FMO3: variants seen among roughly 807,000 people sequenced by gnomAD.
FMO3 encodes flavin containing dimethylaniline monoxygenase 3.
A neutral mutation model predicts 39.4 loss-of-function variants in FMO3; 40 were observed. The observed-to-expected ratio is 1.02, with a 90% CI of 0.79 to 1.32. The LOEUF (loss-of-function observed/expected upper bound fraction) is 1.32, where lower values mean the gene tolerates loss of function less well. Ranked by LOEUF, FMO3 falls within the 40% of genes most tolerant of loss-of-function variation. The pLI is 0.00. For synonymous variants in FMO3, 219 were observed against 228.8 expected, an observed-to-expected ratio of 0.96 and a Z score of 0.39; for missense variants, 680 against 651.8, an observed-to-expected ratio of 1.04 and a Z score of -0.47.
chr1:171,102,031 C>G (rs1041425746), intron 2 of FMO3, among the ~76,000 whole-genome samples: 1 of 152,112 alleles, frequency 6.6e-6, no homozygotes. Flanking sequence ...AATTTTTGCA[C>G]TTCCCCATCC....
chr1:171,110,703 T>TA, intron 5 of FMO3, 95 bp from the exon 6 acceptor site: 1 of 1,114,500 alleles, frequency 9.0e-7, no homozygotes, highest in Non-Finnish European at 1.4e-6. Flanking sequence ...GCAGCTGGGG[T>TA]AATAGATCCA....
At chr1:171,102,877 T>C (rs1278277812) in intron 2 of FMO3, among the ~76,000 whole-genome samples, 2 of 152,212 alleles carry the variant, frequency 1.3e-5, no homozygotes, top group South Asian at 2.1e-4. Flanking sequence ...TTTTACATCA[T>C]TGAAAGCTAA....
intron 2 of FMO3, among the ~76,000 whole-genome samples, chr1:171,096,016 T>TATAA (rs1431040753): frequency 6.3e-5 from 3 of 47,542 alleles, no homozygotes; most frequent in African/African-American, 9.3e-5. Flanking sequence ...AATATACATA[T>TATAA]TATATATTAA....
At position 171,116,213 on chromosome 1, in the gene FMO3, T is replaced by A; in HGVS notation, c.1189T>A (p.Cys397Ser). 6.2e-7 allele frequency: 1 copy of A among 1,601,004 alleles called. No homozygotes were observed. The highest frequency in any genetic ancestry group is 2.2e-5 in the East Asian group (1 of 44,672). ...RWAAQVIKGT[C>S]TLPSMEDMMN... The stretch of plus-strand genomic sequence containing the variant: ...TGTCTTTCCTTCTTTATCAGGAACT[T>A]GTACTTTGCCTTCTATGGAAGACAT... Residue 397 changes from cysteine to serine, a missense_variant, in exon 8 of 9, where the codon TGT (cysteine) becomes AGT (serine). Transcript: ENST00000367755.
At chr1:171,096,816 T>C (rs1655115453) in intron 2 of FMO3, among the ~76,000 whole-genome samples, 1 of 138,392 alleles carries the variant, frequency 7.2e-6, no homozygotes, top group Non-Finnish European at 1.6e-5. Flanking sequence ...ATACTTTAAG[T>C]TCTAGGGTAC....
chr1:171,098,903 T>G (rs1040590632), intron 2 of FMO3, among the ~76,000 whole-genome samples: 2 of 152,198 alleles, frequency 1.3e-5, no homozygotes, highest in African/African-American at 4.8e-5. Context: ...TTTTTGCCCA[T>G]TCAGTATGAT....
intron 3 of FMO3, among the ~76,000 whole-genome samples, chr1:171,104,787 T>A (rs1454244322): frequency 1.3e-5 from 2 of 152,020 alleles, no homozygotes; most frequent in African/African-American, 4.8e-5. Context: ...GGTGGGAGGA[T>A]TGCTTGAGCT....
chr1:171,114,173 A>G lies in FMO3; in HGVS notation c.994A>G (p.Ser332Gly), dbSNP rs886045561. 6.2e-7 allele frequency: 1 copy of G among 1,614,086 alleles called. No individual in the cohort carries two copies. The highest frequency in any genetic ancestry group is 8.5e-7 in the Non-Finnish European group (1 of 1,179,966). Reference sequence around the variant, plus strand: ...CTGTGTAATCTTTGCAACAGGGTATAGTTTTGCCTACCCCTTCCTTGATGA... The same window carrying G: ...CTGTGTAATCTTTGCAACAGGGTATGGTTTTGCCTACCCCTTCCTTGATGA... The part of the protein sequence containing the change: ...IDCVIFATGY[S>G]FAYPFLDESI... The change falls in exon 7 of 9, where the codon AGT (serine) becomes GGT (glycine). Residue 332 changes from serine (S) to glycine (G), a missense_variant. Coordinates refer to ENST00000367755, the MANE Select transcript of FMO3 (RefSeq NM_001002294.3).
In FMO3 at chr1:171,108,222, G is replaced by T. The variant is rs758201900; in HGVS notation, c.627+1G>T. ...AGAACTCAGCCGCACAGCAGAACAG[G>T]TACTACTCCCCGGGTACTCGGGTGA... is the stretch of plus-strand genomic sequence containing the variant. On this transcript the variant is annotated splice_donor_variant, in intron 5 of 8. Coordinates refer to ENST00000367755, the MANE Select transcript of FMO3 (RefSeq NM_001002294.3). LOFTEE classifies it high-confidence loss of function. The T allele has an allele frequency of 1.2e-6, 2 of 1,613,724 alleles. No homozygotes were observed. Among genetic ancestry groups the T allele is most frequent in the South Asian group, 2.2e-5 (2 of 91,080 alleles).
intron 7 of FMO3, among the ~76,000 whole-genome samples, chr1:171,115,440 C>T (rs1656102748): frequency 6.6e-6 from 1 of 152,110 alleles, no homozygotes; most frequent in South Asian, 2.1e-4. Flanking sequence ...AGGCCTGGAA[C>T]CATACCATAT....
chr1:171,095,205 C>A (rs1321074655), intron 2 of FMO3, among the ~76,000 whole-genome samples: 1 of 152,072 alleles, frequency 6.6e-6, no homozygotes. Context: ...GGTGAGGCTA[C>A]CAAAGTGATT....
At chr1:171,104,826 A>G (rs1655567478) in intron 3 of FMO3, among the ~76,000 whole-genome samples, 1 of 152,112 alleles carries the variant, frequency 6.6e-6, no homozygotes, top group African/African-American at 2.4e-5. Context: ...GTGAGCTGAG[A>G]TCACGCCACT....
At chr1:171,092,899 T>C (rs1654780780) in intron 2 of FMO3, 109 bp downstream of exon 2, 1 of 1,187,498 alleles carries the variant, frequency 8.4e-7, no homozygotes, top group Non-Finnish European at 1.2e-6. Flanking sequence ...TTATCATATC[T>C]GTTAGAATTG....
At chr1:171,113,692 A>G (rs1382642115) in intron 6 of FMO3, among the ~76,000 whole-genome samples, 1 of 152,176 alleles carries the variant, frequency 6.6e-6, no homozygotes, top group African/African-American at 2.4e-5. Context: ...ACACCGAGGT[A>G]CCCTCACTTC....
Position 171,117,701 on chromosome 1 carries a change from A to G in FMO3, c.*259A>G. 1 of 361,610 alleles carries G rather than the reference A, an allele frequency of 2.8e-6. No homozygotes were observed. Among genetic ancestry groups the G allele is most frequent in the South Asian group, 7.2e-5 (1 of 13,838 alleles). 22.4% of individuals were successfully genotyped at this position (361,610 alleles called of 1,614,324 possible). On this transcript the variant is annotated 3_prime_UTR_variant, in exon 9 of 9. Coordinates refer to ENST00000367755, the MANE Select transcript of FMO3 (RefSeq NM_001002294.3). ...CTTCAAAATCAGAACTATGTTCTTT[A>G]TATCTAACTTAAATCATTTCCTGAA...
intron 7 of FMO3, 94 bp downstream of exon 7, chr1:171,114,456 C>T: frequency 1.1e-6 from 1 of 935,212 alleles, no homozygotes; most frequent in South Asian, 1.4e-5. Context: ...GTTACAAGGT[C>T]CCCTTCAGTT....
chr1:171,104,970 C>T (rs551234806), intron 3 of FMO3, among the ~76,000 whole-genome samples: 10 of 152,006 alleles, frequency 6.6e-5, no homozygotes, highest in African/African-American at 1.7e-4. Flanking sequence ...AAAGGATAGA[C>T]AAAATGGATA....
intron 2 of FMO3, among the ~76,000 whole-genome samples, chr1:171,097,766 C>A (rs796638613): frequency 2.0e-5 from 3 of 151,362 alleles, no homozygotes; most frequent in Non-Finnish European, 4.4e-5. Context: ...ATGGTAGTTT[C>A]TTTTGCTGTG....
At chr1:171,111,303 T>C (rs181063096) in intron 6 of FMO3, among the ~76,000 whole-genome samples, 8 of 152,280 alleles carry the variant, frequency 5.3e-5, no homozygotes, top group East Asian at 1.9e-4. Context: ...CTCTGGCATA[T>C]ATTATTTCAT....
Sources: allele counts gnomAD v4.1 joint callset (sites outside exome capture counted in the v4.1 genomes callset), GRCh38; gene constraint gnomAD v4.1.1; transcripts MANE v1.5; gene names NCBI Gene and HGNC (gene_info 2026-07-23, HGNC 2026-07-21).